Variants in SDK1 observed in about 807,000 individuals in gnomAD.
SDK1 encodes sidekick cell adhesion molecule 1.
In SDK1, 157 loss-of-function variants were observed where a neutral mutation model predicts 245.5. The observed-to-expected ratio is 0.64, with a 90% CI of 0.56 to 0.73. SDK1 has a LOEUF of 0.73. Ranked by LOEUF, SDK1 falls within the 30% of genes least tolerant of loss-of-function variation. The pLI is 0.00. For missense variants in SDK1, 3,583 were observed against 3,002.3 expected (o/e 1.19, Z -4.52); for synonymous variants, 1,647 against 1,278.5 (o/e 1.29, Z -6.15).
chr7:3,796,585 C>T (rs1030551997), intron 4 of SDK1, among the ~76,000 whole-genome samples: 7 of 152,280 alleles, frequency 4.6e-5, no homozygotes, highest in South Asian at 2.1e-4. Flanking sequence ...CATAGCCAGG[C>T]GCAACCACTT....
rs1198256007 is a variant in SDK1 at position 4,074,913 on chromosome 7, TATA to T, written c.3011-2084_3011-2082del. The stretch of plus-strand genomic sequence containing the variant: ...ATATATATATATATATATATATATA[TATA>T]TTTTTTTTTTTTTTTAATAAAGTTA... On this transcript the variant is annotated intron_variant, in intron 20 of 44. Transcript: ENST00000404826. Among the ~76,000 whole-genome samples, 162 of 83,236 alleles carry T rather than the reference TATA, an allele frequency of 1.9e-3. 1 individual carries two copies. The highest frequency in any genetic ancestry group is 0.011 in the African/African-American group (143 of 13,554). 54.6% of individuals were successfully genotyped at this position (83,236 alleles called of 152,430 possible). A position where few individuals can be genotyped will look rare whatever the true frequency, so the allele number is the denominator to read the frequency against.
intron 1 of SDK1, among the ~76,000 whole-genome samples, chr7:3,531,268 G>A (rs376644010): frequency 6.6e-6 from 1 of 152,036 alleles, no homozygotes; most frequent in Non-Finnish European, 1.5e-5. Flanking sequence ...TTATCTGTAC[G>A]CTATGCTAAT....
chr7:4,217,123 A>G lies in SDK1; in HGVS notation c.5540-2986A>G, dbSNP rs372553602. ...AGCACCAGGCCACCCGGAGCACCAC[A>G]CCACCCGGAGCACCAGGCCACCCGG... is the stretch of plus-strand genomic sequence containing the variant. On this transcript the variant is annotated intron_variant, in intron 38 of 44. Coordinates refer to ENST00000404826, the MANE Select transcript of SDK1 (RefSeq NM_152744.4). 9.8e-5 allele frequency among the ~76,000 whole-genome samples: 6 copies of G among 61,454 alleles called. No homozygotes were observed. The East Asian group carries it at 2.6e-3, about 27-fold the overall frequency. 40.3% of individuals were successfully genotyped at this position (61,454 alleles called of 152,430 possible).
chr7:4,180,373 G>A (rs1782528496), intron 35 of SDK1, among the ~76,000 whole-genome samples: 1 of 148,694 alleles, frequency 6.7e-6, no homozygotes, highest in Non-Finnish European at 1.5e-5. Context: ...TCTATGCCCA[G>A]CGCCTGGCTC....
At chr7:3,987,650 G>A (rs1783971603) in intron 14 of SDK1, among the ~76,000 whole-genome samples, 1 of 152,178 alleles carries the variant, frequency 6.6e-6, no homozygotes, top group Non-Finnish European at 1.5e-5. Flanking sequence ...TGCCACCTGG[G>A]TGACTTGAGA....
intron 14 of SDK1, among the ~76,000 whole-genome samples, chr7:3,992,781 G>A (rs1043364277): frequency 5.9e-5 from 9 of 152,094 alleles, no homozygotes; most frequent in Non-Finnish European, 1.0e-4. Flanking sequence ...AGGGACCCGC[G>A]CTTTCCATCG....
At chr7:4,218,811 ATCC>A (rs1463156805) in intron 38 of SDK1, among the ~76,000 whole-genome samples, 6 of 152,044 alleles carry the variant, frequency 3.9e-5, no homozygotes, top group Non-Finnish European at 8.8e-5. Flanking sequence ...ACACCTTGAT[ATCC>A]TCCTCCAAGA....
chr7:4,043,050 T>C (rs775736463), intron 17 of SDK1, among the ~76,000 whole-genome samples: 1 of 152,014 alleles, frequency 6.6e-6, no homozygotes, highest in Non-Finnish European at 1.5e-5. Context: ...GGAAGGAGAG[T>C]GTGTGCCCAC....
At chr7:4,134,614 T>C in intron 28 of SDK1, 1 of 152,424 alleles carries the variant, frequency 6.6e-6, no homozygotes. Context: ...AACAACAGTG[T>C]TCCCCGTGAA....
At chr7:4,072,619 A>G (rs1250148974) in intron 20 of SDK1, among the ~76,000 whole-genome samples, 2 of 152,216 alleles carry the variant, frequency 1.3e-5, no homozygotes, top group East Asian at 1.9e-4. Context: ...GAGCAAAAGA[A>G]AAACTGTGTT....
chr7:3,975,246 A>G (rs1415918501), intron 13 of SDK1, among the ~76,000 whole-genome samples: 1 of 152,140 alleles, frequency 6.6e-6, no homozygotes. Context: ...AAGTTGTGCC[A>G]TCTCAATATT....
chr7:3,958,766 C>A (rs1399644646), intron 7 of SDK1, among the ~76,000 whole-genome samples, 165 bp from the exon 8 acceptor site: 1 of 152,154 alleles, frequency 6.6e-6, no homozygotes, highest in Non-Finnish European at 1.5e-5. Context: ...CTGTAAATTG[C>A]CTTTGGCCTG....
At chr7:4,172,088 C>G (rs551065693) in intron 32 of SDK1, among the ~76,000 whole-genome samples, 17 of 152,266 alleles carry the variant, frequency 1.1e-4, no homozygotes, top group African/African-American at 4.1e-4. Context: ...AAAGACCCAG[C>G]AAGGCCACTC....
At chr7:3,552,040 C>A in intron 1 of SDK1, among the ~76,000 whole-genome samples, 1 of 151,734 alleles carries the variant, frequency 6.6e-6, no homozygotes, top group East Asian at 1.9e-4. Flanking sequence ...TCTTCTTCTT[C>A]TTCTTCTTTT....
intron 10 of SDK1, 139 bp from the exon 11 acceptor site, chr7:3,969,118 G>A (rs76822207): frequency 0.023 from 16,456 of 714,732 alleles, 261 homozygotes; most frequent in Non-Finnish European, 0.028. Context: ...CTCCCCCGAC[G>A]TGGGGATTGC....
At chr7:3,632,338 G>A (rs1002047142) in intron 2 of SDK1, among the ~76,000 whole-genome samples, 1 of 152,210 alleles carries the variant, frequency 6.6e-6, no homozygotes, top group Non-Finnish European at 1.5e-5. Flanking sequence ...ACATAAACGG[G>A]AATCCCAGAG....
intron 1 of SDK1, among the ~76,000 whole-genome samples, chr7:3,394,284 G>A (rs550528332): frequency 6.6e-6 from 1 of 152,126 alleles, no homozygotes; most frequent in South Asian, 2.1e-4. Flanking sequence ...GGTTTTATTT[G>A]GTGAACGTAT....
intron 4 of SDK1, among the ~76,000 whole-genome samples, chr7:3,730,106 A>G (rs1251165088): frequency 4.6e-5 from 7 of 152,162 alleles, no homozygotes; most frequent in Non-Finnish European, 7.3e-5. Context: ...TTGTCCTCAT[A>G]GAGAAAACAG....
intron 4 of SDK1, among the ~76,000 whole-genome samples, chr7:3,709,367 A>G (rs185415770): frequency 3.9e-4 from 60 of 152,270 alleles, no homozygotes; most frequent in African/African-American, 1.4e-3. Context: ...CATGCATGCA[A>G]GGCCCTTCCT....
Sources: gnomAD v4.1 joint callset for allele counts (sites outside exome capture counted in the v4.1 genomes callset) on GRCh38, gnomAD v4.1.1 for gene constraint, MANE v1.5 for transcripts, NCBI Gene and HGNC (gene_info 2026-07-23, HGNC 2026-07-21) for gene names.